HCK: variants seen among roughly 807,000 people sequenced by gnomAD.
HCK encodes the protein HCK proto-oncogene, Src family tyrosine kinase, also known as tyrosine-protein kinase HCK.
HCK carries 40 observed loss-of-function variants against 70.4 expected under a neutral mutation model. The observed-to-expected ratio is 0.57, with a 90% CI of 0.44 to 0.74. HCK has a LOEUF of 0.74. Ranked by LOEUF, HCK falls within the 30% of genes least tolerant of loss-of-function variation. The pLI is 0.00. For missense variants in HCK, 568 were observed against 697.2 expected, an observed-to-expected ratio of 0.81 and a Z score of 2.09; for synonymous variants, 245 against 263.2, an observed-to-expected ratio of 0.93 and a Z score of 0.67.
chr20:32,076,170 A>G (rs1026614169), intron 5 of HCK, among the ~76,000 whole-genome samples: 1 of 151,948 alleles, frequency 6.6e-6, no homozygotes, highest in African/African-American at 2.4e-5. Flanking sequence ...TAAAAATACA[A>G]AAAAAATTAG....
chr20:32,052,791 G>T (rs1332020377), intron 1 of HCK, among the ~76,000 whole-genome samples: 1 of 105,314 alleles, frequency 9.5e-6, no homozygotes, highest in Non-Finnish European at 1.9e-5. Flanking sequence ...TTGGGGGGGG[G>T]CGGGGATTTT....
chr20:32,053,693 T>C (rs2045218814), intron 1 of HCK, among the ~76,000 whole-genome samples: 1 of 150,952 alleles, frequency 6.6e-6, no homozygotes, highest in Admixed American at 6.6e-5. Flanking sequence ...GAATGCTGTC[T>C]GACAGTACAC....
At chr20:32,070,250 G>A (rs2045518116) in intron 1 of HCK, among the ~76,000 whole-genome samples, 2 of 152,032 alleles carry the variant, frequency 1.3e-5, no homozygotes, top group Admixed American at 6.6e-5. Context: ...CACTGTCCAC[G>A]CCTCACTCAG....
chr20:32,063,046 G>A (rs1237861466), intron 1 of HCK, among the ~76,000 whole-genome samples: 1 of 152,122 alleles, frequency 6.6e-6, no homozygotes, highest in African/African-American at 2.4e-5. Context: ...GCTGACCTCA[G>A]TGGATGATGA....
intron 1 of HCK, among the ~76,000 whole-genome samples, chr20:32,063,741 C>A (rs932894774): frequency 6.6e-6 from 1 of 151,874 alleles, no homozygotes; most frequent in African/African-American, 2.4e-5. Flanking sequence ...TATAAGAATT[C>A]CCTCTGCACT....
chr20:32,075,127 C>A (rs778637119), intron 5 of HCK, among the ~76,000 whole-genome samples: 1 of 152,164 alleles, frequency 6.6e-6, no homozygotes, highest in Non-Finnish European at 1.5e-5. Context: ...ATGAAGCACA[C>A]GGTCTTGCCA....
Position 32,086,615 on chromosome 20 carries a change from T to TA in HCK, c.836-12dup. On this transcript the variant is annotated splice_polypyrimidine_tract_variant and intron_variant, in intron 8 of 12. Coordinates refer to ENST00000375852, the MANE Select transcript of HCK (RefSeq NM_002110.5). ...GGCTCTGACCACCTTCCCTGCTCTC[T>TA]ATCCCCCTCCAGCCACCTACAACAA... is the stretch of plus-strand genomic sequence containing the variant. 1 of 1,599,746 alleles carries TA rather than the reference T, an allele frequency of 6.3e-7. No individual in the cohort carries two copies. The highest frequency in any genetic ancestry group is 1.3e-5 in the African/African-American group (1 of 74,506).
At chr20:32,069,570 T>C (rs2045508005) in intron 1 of HCK, 1 of 380,036 alleles carries the variant, frequency 2.6e-6, no homozygotes, top group South Asian at 1.9e-5. Context: ...GAGATGCTGG[T>C]TTCAGTTTTA....
intron 10 of HCK, among the ~76,000 whole-genome samples, chr20:32,089,132 C>A (rs1349616270): frequency 6.6e-6 from 1 of 152,244 alleles, no homozygotes; most frequent in Non-Finnish European, 1.5e-5. Context: ...CAGAGCTGGA[C>A]CAGGGGCCAA....
chr20:32,094,710 AAAGAAAG>A (rs759094815), intron 11 of HCK, among the ~76,000 whole-genome samples: 40 of 50,420 alleles, frequency 7.9e-4, no homozygotes, highest in Middle Eastern at 0.022. Context: ...AAAAGAAAAG[AAAGAAAG>A]AAAGAAAGAA....
At position 32,094,751 on chromosome 20, in the gene HCK, A is replaced by AAGAAAGAAAGAAAGAAAGAG. The variant is rs1555877786; in HGVS notation, c.1246+747_1246+748insAGAAAGAGAGAAAGAAAGAA. ...AAAGAAAGAAAGAAAGAAAGAAAGAAAGAAAGAAAGAAGGAAAGAAAGAAA... is the reference window on the plus strand; with the variant it reads ...AAAGAAAGAAAGAAAGAAAGAAAGAAAGAAAGAAAGAAAGAAAGAGAGAAAGAAAGAAGGAAAGAAAGAAA... On this transcript the variant is annotated intron_variant, in intron 11 of 12. Transcript: ENST00000375852. 1.6e-3 allele frequency among the ~76,000 whole-genome samples: 137 copies of AAGAAAGAAAGAAAGAAAGAG among 87,894 alleles called. 6 individuals are homozygous for AAGAAAGAAAGAAAGAAAGAG. Among genetic ancestry groups the AAGAAAGAAAGAAAGAAAGAG allele is most frequent in the African/African-American group, 5.9e-3 (105 of 17,828 alleles). 57.7% of individuals were successfully genotyped at this position (87,894 alleles called of 152,430 possible).
Position 32,101,619 on chromosome 20 carries a change from C to A in HCK, c.*100C>A. ...CCCACACCCCCTTCCTACTCCCAGA[C>A]ACCCACCCTCGCTTCAGCCACAGTT... On this transcript the variant is annotated 3_prime_UTR_variant, in exon 13 of 13. Transcript: ENST00000375852. 1.1e-6 allele frequency: 1 copy of A among 936,998 alleles called. No individual in the cohort carries two copies. Among genetic ancestry groups the A allele is most frequent in the African/African-American group, 1.6e-5 (1 of 60,976 alleles). The allele number at this position is 936,998 out of a possible 1,614,324, so 58.0% of individuals were successfully genotyped here. A position where few individuals can be genotyped will look rare whatever the true frequency, so the allele number is the denominator to read the frequency against.
rs771326061 is a variant in HCK at position 32,101,531 on chromosome 20, A to G, written c.*12A>G. 1 of 1,608,028 alleles carries G rather than the reference A, an allele frequency of 6.2e-7. No homozygotes were observed. The highest frequency in any genetic ancestry group is 1.3e-5 in the African/African-American group (1 of 74,984). On this transcript the variant is annotated 3_prime_UTR_variant, in exon 13 of 13. Transcript: ENST00000375852. ...AACAGCAGCCATGATAGGGAGGACC[A>G]GGGCAGGGCCAGGGGGTGCCCAGGT...
chr20:32,082,437 T>G (rs566215859), intron 6 of HCK, among the ~76,000 whole-genome samples: 1 of 151,618 alleles, frequency 6.6e-6, no homozygotes, highest in Non-Finnish European at 1.5e-5. Flanking sequence ...AGCTCAGGAG[T>G]TGGAGACCAG....
intron 1 of HCK, among the ~76,000 whole-genome samples, chr20:32,066,420 T>C (rs1466083618): frequency 6.9e-6 from 1 of 145,860 alleles, no homozygotes; most frequent in Non-Finnish European, 1.5e-5. Context: ...CAAGCGATTC[T>C]CCTACCTCAG....
chr20:32,095,261 CT>C (rs553820332), intron 11 of HCK, among the ~76,000 whole-genome samples: 46 of 150,078 alleles, frequency 3.1e-4, no homozygotes, highest in African/African-American at 9.3e-4. Context: ...AAGAGGCAAT[CT>C]TTTTTTTTTC....
intron 1 of HCK, among the ~76,000 whole-genome samples, chr20:32,060,853 C>G (rs535005815): frequency 1.1e-4 from 16 of 151,618 alleles, no homozygotes; most frequent in Non-Finnish European, 1.8e-4. Context: ...GGAGAGCCAT[C>G]AGATAGTGGG....
intron 1 of HCK, among the ~76,000 whole-genome samples, chr20:32,053,637 C>CAAAA (rs1160849578): frequency 0.095 from 5,741 of 60,704 alleles, 481 homozygotes; most frequent in Non-Finnish European, 0.1. Flanking sequence ...GACTCTGTCT[C>CAAAA]AAAAAAAAAA....
chr20:32,070,426 C>T (rs1343531607), intron 1 of HCK, among the ~76,000 whole-genome samples: 1 of 152,224 alleles, frequency 6.6e-6, no homozygotes, highest in Non-Finnish European at 1.5e-5. Context: ...CTACACTCTC[C>T]TGCTTTCAGT....
Sources: allele counts gnomAD v4.1 joint callset (sites outside exome capture counted in the v4.1 genomes callset), GRCh38; gene constraint gnomAD v4.1.1; transcripts MANE v1.5; gene names NCBI Gene and HGNC (gene_info 2026-07-23, HGNC 2026-07-21).